Variants in PDE6D observed in about 807,000 individuals in gnomAD.
PDE6D encodes retinal rod rhodopsin-sensitive cGMP 3',5'-cyclic phosphodiesterase subunit delta.
PDE6D carries 10 observed loss-of-function variants against 21.9 expected under a neutral mutation model. The ratio of observed to expected loss-of-function variants is 0.46; its 90% CI spans 0.28 to 0.78. The LOEUF (loss-of-function observed/expected upper bound fraction) is 0.78. PDE6D is among the 30% of genes least tolerant of loss of function. The probability of loss-of-function intolerance (pLI) is 0.12; values close to 1 mark genes in which losing one functional copy is unlikely to be tolerated. For missense variants in PDE6D, 139 were observed against 184.8 expected (o/e 0.75, Z 1.44); for synonymous variants, 59 against 63.5 (o/e 0.93, Z 0.34).
Position 231,766,092 on chromosome 2 carries a change from AT to A in PDE6D, c.50+14972del, listed in dbSNP as rs752405710. ...GATTTTCCCATTTATGGGGGATAAGATGAGAAAATATAAATGGATCTCTGAG... is the reference window on the plus strand; with the variant it reads ...GATTTTCCCATTTATGGGGGATAAGAGAGAAAATATAAATGGATCTCTGAG... On this transcript the variant is annotated intron_variant, in intron 1 of 4. Coordinates refer to ENST00000287600, the MANE Select transcript of PDE6D (RefSeq NM_002601.4). 1.3e-3 allele frequency among the ~76,000 whole-genome samples: 192 copies of A among 152,370 alleles called. 1 individual carries two copies. The Middle Eastern group carries it at 0.017, about 13-fold the overall frequency.
rs2048673296 is a variant in PDE6D, at chr2:231,734,055, T to C, written c.372-1022A>G. ...GGTGAAACCCTGTCTCTACTAAAAA[T>C]ACAAAAAAATTAGCCAGGCGTGGTG... is the stretch of plus-strand genomic sequence containing the variant. On this transcript the variant is annotated intron_variant, in intron 4 of 4. Coordinates refer to ENST00000287600, the MANE Select transcript of PDE6D (RefSeq NM_002601.4). Among the ~76,000 whole-genome samples, 5 of 151,392 alleles carry C rather than the reference T, an allele frequency of 3.3e-5. 1 individual carries two copies. Among genetic ancestry groups the C allele is most frequent in the Admixed American group, 3.3e-4 (5 of 15,194 alleles).
chr2:231,755,017 G>A (rs1392370757), intron 1 of PDE6D, among the ~76,000 whole-genome samples: 1 of 152,084 alleles, frequency 6.6e-6, no homozygotes. Flanking sequence ...CCATGAGGGT[G>A]GAATCTTCAT....
chr2:231,733,073 G>T, intron 4 of PDE6D, 40 bp from the exon 5 acceptor site: 1 of 1,290,202 alleles, frequency 7.8e-7, no homozygotes, highest in Non-Finnish European at 1.1e-6. Context: ...AAGAGAGTGA[G>T]CATGTTAGGC....
At chr2:231,767,225 G>A (rs917414918) in intron 1 of PDE6D, among the ~76,000 whole-genome samples, 2 of 152,040 alleles carry the variant, frequency 1.3e-5, no homozygotes, top group African/African-American at 2.4e-5. Context: ...GTAATAGCAA[G>A]CATAGTGCAT....
rs913529881 is a variant in PDE6D at position 231,781,126 on chromosome 2, C to T, written c.-12G>A. ...TCCTTGGCTGACATGATGCGGCGGT[C>T]GCCGCCCGCGGCTTTCTCACTCTGG... On this transcript the variant is annotated 5_prime_UTR_variant, in exon 1 of 5. Transcript: ENST00000287600. The T allele has an allele frequency of 6.2e-7, 1 of 1,610,436 alleles. No homozygotes were observed. Among genetic ancestry groups the T allele is most frequent in the Non-Finnish European group, 8.5e-7 (1 of 1,178,990 alleles).
chr2:231,768,416 A>G (rs371406550), intron 1 of PDE6D, among the ~76,000 whole-genome samples: 1 of 151,906 alleles, frequency 6.6e-6, no homozygotes, highest in East Asian at 1.9e-4. Flanking sequence ...GTTGAGATGG[A>G]GTCTCCCTCT....
At chr2:231,749,227 T>C (rs1019088230) in intron 1 of PDE6D, among the ~76,000 whole-genome samples, 9 of 152,166 alleles carry the variant, frequency 5.9e-5, no homozygotes, top group African/African-American at 2.2e-4. Flanking sequence ...CCCAAGACCA[T>C]GAGAACCCGC....
chr2:231,744,507 C>G (rs1041028977), intron 1 of PDE6D, among the ~76,000 whole-genome samples: 1 of 150,824 alleles, frequency 6.6e-6, no homozygotes, highest in African/African-American at 2.4e-5. Flanking sequence ...GATCTCGGCT[C>G]ACCACAACCT....
At chr2:231,747,069 G>A (rs1334514900) in intron 1 of PDE6D, among the ~76,000 whole-genome samples, 1 of 152,326 alleles carries the variant, frequency 6.6e-6, no homozygotes, top group African/African-American at 2.4e-5. Flanking sequence ...ATAGTTTCGT[G>A]TAATTTATCA....
intron 1 of PDE6D, among the ~76,000 whole-genome samples, chr2:231,774,921 T>C (rs2049042845): frequency 6.7e-6 from 1 of 149,294 alleles, no homozygotes; most frequent in Non-Finnish European, 1.5e-5. Flanking sequence ...TTTTTATTTT[T>C]ATTTTTTTTG....
At chr2:231,754,335 G>A (rs111932486) in intron 1 of PDE6D, among the ~76,000 whole-genome samples, 2,562 of 151,332 alleles carry the variant, frequency 0.017, 32 homozygotes, top group Middle Eastern at 0.028. Flanking sequence ...TTCCATTGCT[G>A]TGAGAAGAAA....
At chr2:231,740,975 C>A (rs764972432) in intron 1 of PDE6D, among the ~76,000 whole-genome samples, 75 of 151,098 alleles carry the variant, frequency 5.0e-4, no homozygotes, top group Non-Finnish European at 1.8e-4. Context: ...CCCATCTCTA[C>A]CGAAAACACA....
intron 4 of PDE6D, among the ~76,000 whole-genome samples, chr2:231,736,848 G>A (rs1279177905): frequency 6.6e-6 from 1 of 152,150 alleles, no homozygotes. Context: ...CTGTAAGACA[G>A]AATTAATTTC....
At chr2:231,754,465 T>C (rs1379709150) in intron 1 of PDE6D, among the ~76,000 whole-genome samples, 26 of 150,808 alleles carry the variant, frequency 1.7e-4, no homozygotes, top group Admixed American at 1.7e-3. Context: ...CAAGTGATTA[T>C]CCTGCCTCAG....
chr2:231,746,450 G>A (rs2048794743), intron 1 of PDE6D, among the ~76,000 whole-genome samples: 1 of 152,150 alleles, frequency 6.6e-6, no homozygotes, highest in African/African-American at 2.4e-5. Flanking sequence ...GCCCGTTGGT[G>A]TATTTTACAT....
At chr2:231,773,026 C>T (rs1236181410) in intron 1 of PDE6D, among the ~76,000 whole-genome samples, 5 of 152,058 alleles carry the variant, frequency 3.3e-5, no homozygotes, top group African/African-American at 1.2e-4. Flanking sequence ...TCACTTGAGC[C>T]CAGAAGTTCA....
chr2:231,757,022 G>C (rs1193003295), intron 1 of PDE6D, among the ~76,000 whole-genome samples: 1 of 151,806 alleles, frequency 6.6e-6, no homozygotes. Flanking sequence ...GCAGTGGTAC[G>C]ATCACAGCTC....
intron 1 of PDE6D, among the ~76,000 whole-genome samples, chr2:231,742,739 CA>C (rs2048760367): frequency 6.6e-6 from 1 of 152,178 alleles, no homozygotes; most frequent in African/African-American, 2.4e-5. Context: ...TTGTGGAAGG[CA>C]GTGACTGCTT....
chr2:231,752,374 C>G (rs1015693114), intron 1 of PDE6D, among the ~76,000 whole-genome samples: 3 of 152,102 alleles, frequency 2.0e-5, no homozygotes, highest in Non-Finnish European at 4.4e-5. Context: ...AATATGAAGG[C>G]CTTACAGTTG....
Sources: allele counts gnomAD v4.1 joint callset (sites outside exome capture counted in the v4.1 genomes callset), GRCh38; gene constraint gnomAD v4.1.1; transcripts MANE v1.5; gene names NCBI Gene and HGNC (gene_info 2026-07-23, HGNC 2026-07-21).